AVL9: variants seen among roughly 807,000 people sequenced by gnomAD.
AVL9 encodes the protein late secretory pathway protein AVL9 homolog.
AVL9 carries 49 observed loss-of-function variants against 79.2 expected under a neutral mutation model. The observed-to-expected ratio is 0.62, with a 90% confidence interval of 0.49 to 0.79. The LOEUF (loss-of-function observed/expected upper bound fraction) is 0.79, where lower values mean the gene tolerates loss of function less well. Ranked by LOEUF, AVL9 falls within the 30% of genes least tolerant of loss-of-function variation. The probability of loss-of-function intolerance (pLI) is 0.00; values close to 1 mark genes in which losing one functional copy is unlikely to be tolerated. For missense variants in AVL9, 682 were observed against 776.8 expected, an observed-to-expected ratio of 0.88 and a Z score of 1.45; for synonymous variants, 299 against 280.6, an observed-to-expected ratio of 1.07 and a Z score of -0.65.
At chr7:32,519,490 C>G (rs1266134038) in intron 1 of AVL9, among the ~76,000 whole-genome samples, 7 of 151,798 alleles carry the variant, frequency 4.6e-5, no homozygotes, top group African/African-American at 1.5e-4. Context: ...GTTCAGATGC[C>G]TTTTAATTCA....
rs896935549 is a variant in AVL9, at chr7:32,556,574, GT to G, written c.610-1975del. Among the ~76,000 whole-genome samples, 8 of 148,728 alleles carry G rather than the reference GT, an allele frequency of 5.4e-5. No homozygotes were observed. The South Asian group carries it at 6.4e-4, about 12-fold the overall frequency. On this transcript the variant is annotated intron_variant, in intron 8 of 15. Transcript: ENST00000318709. ...TCCTTCAAACAGAAAAAAAGATAAAGTTTTTTTTTTAAAAATGAACCCAGCA... is the reference window on the plus strand; with the variant it reads ...TCCTTCAAACAGAAAAAAAGATAAAGTTTTTTTTTAAAAATGAACCCAGCA...
chr7:32,548,795 TTGAAATATTGCTA>T, intron 3 of AVL9, 39 bp from the exon 4 acceptor site: 1 of 1,249,656 alleles, frequency 8.0e-7, no homozygotes, highest in African/African-American at 1.6e-5. Flanking sequence ...AAAAATATTT[TTGAAATATTGCTA>T]TGAAATATTT....
At chr7:32,497,261 A>G (rs1191246892) in intron 1 of AVL9, among the ~76,000 whole-genome samples, 1 of 152,162 alleles carries the variant, frequency 6.6e-6, no homozygotes. Context: ...AGGCTGAGGC[A>G]CGAGAATTGC....
chr7:32,498,237 ATTTTTTTTTTT>A (rs10547851), intron 1 of AVL9, among the ~76,000 whole-genome samples: 1 of 89,814 alleles, frequency 1.1e-5, no homozygotes, highest in Non-Finnish European at 2.0e-5. Context: ...AAGTCCTCAG[ATTTTTTTTTTT>A]TTTTTTTTTT....
chr7:32,583,850 C>G lies in AVL9; in HGVS notation c.1890C>G (p.Ser630=). The change falls in exon 16 of 16, where the codon TCC becomes TCG. Residue 630 remains serine, a synonymous_variant. Transcript: ENST00000318709. ...SAKTAMSSWL[S]TFTTSTSQSL... The stretch of plus-strand genomic sequence containing the variant: ...AGACAGCTATGTCTTCATGGCTTTC[C>G]ACTTTCACCACTTCCACCTCCCAAA... 6.2e-7 allele frequency: 1 copy of G among 1,614,100 alleles called. No individual in the cohort carries two copies. The highest frequency in any genetic ancestry group is 8.5e-7 in the Non-Finnish European group (1 of 1,180,020).
At chr7:32,511,706 G>GGGGC (rs1787682321) in intron 1 of AVL9, among the ~76,000 whole-genome samples, 2 of 152,056 alleles carry the variant, frequency 1.3e-5, no homozygotes, top group East Asian at 3.9e-4. Flanking sequence ...GTCAGCTGGG[G>GGGGC]GAAACAGGTA....
At chr7:32,512,557 A>G (rs539915270) in intron 1 of AVL9, among the ~76,000 whole-genome samples, 1 of 152,300 alleles carries the variant, frequency 6.6e-6, no homozygotes, top group African/African-American at 2.4e-5. Flanking sequence ...GTGTCTCTGG[A>G]CAGGATCTTG....
chr7:32,567,306 T>A (rs558342999), intron 10 of AVL9, among the ~76,000 whole-genome samples: 1 of 152,182 alleles, frequency 6.6e-6, no homozygotes, highest in Non-Finnish European at 1.5e-5. Context: ...TTCACCGTGT[T>A]GCTCAGGCTG....
At chr7:32,550,591 A>G (rs1789767420) in intron 4 of AVL9, among the ~76,000 whole-genome samples, 1 of 152,228 alleles carries the variant, frequency 6.6e-6, no homozygotes, top group Admixed American at 6.5e-5. Context: ...TAGAGTATAT[A>G]TACATCATTG....
At position 32,586,962 on chromosome 7, in the gene AVL9, C is replaced by T. The variant is rs1249209091; in HGVS notation, c.*3055C>T. On this transcript the variant is annotated 3_prime_UTR_variant, in exon 16 of 16. Transcript: ENST00000318709. Reference sequence around the variant, plus strand: ...CTCACATAACCAGCATGAACAGTCTCTCCCCAAATCCATTAGTGATTCACT... The same window carrying T: ...CTCACATAACCAGCATGAACAGTCTTTCCCCAAATCCATTAGTGATTCACT... 1 of 152,248 alleles carries T rather than the reference C, an allele frequency of 6.6e-6. No homozygotes were observed. The highest frequency in any genetic ancestry group is 1.5e-5 in the Non-Finnish European group (1 of 68,084). The allele number at this position is 152,248 out of a possible 1,614,324, so 9.4% of individuals were successfully genotyped here.
chr7:32,535,462 G>A, intron 1 of AVL9: 1 of 152,214 alleles, frequency 6.6e-6, no homozygotes. Flanking sequence ...TAAAAGGAAA[G>A]TAACTTTGAA....
rs1789979318 is a variant in AVL9, at chr7:32,554,588, G to C, written c.601G>C (p.Glu201Gln). The change falls in exon 8 of 16, where the codon GAA becomes CAA. Residue 201 changes from glutamate (E) to glutamine (Q), a missense_variant. Glu to Gln is a conservative substitution (Grantham distance 29). Coordinates refer to ENST00000318709, the MANE Select transcript of AVL9 (RefSeq NM_015060.3). The stretch of plus-strand genomic sequence containing the variant: ...AATCCTATTTAAGCTAATTCTTCTT[G>C]AAAAAAAGGTACGATCCTAAGGGAT... The part of the protein sequence containing the change: ...VLILFKLILL[E>Q]KKVLFYISPV... 6.7e-7 allele frequency: 1 copy of C among 1,500,102 alleles called. No individual in the cohort carries two copies. The highest frequency in any genetic ancestry group is 1.4e-5 in the African/African-American group (1 of 70,398). 92.9% of individuals were successfully genotyped at this position (1,500,102 alleles called of 1,614,324 possible). A position where few individuals can be genotyped will look rare whatever the true frequency, so the allele number is the denominator to read the frequency against.
At chr7:32,528,327 C>G (rs1210370140) in intron 1 of AVL9, among the ~76,000 whole-genome samples, 1 of 152,194 alleles carries the variant, frequency 6.6e-6, no homozygotes, top group East Asian at 1.9e-4. Context: ...GGGCATGTGT[C>G]CTCAGGACCT....
At chr7:32,577,330 T>A (rs1457764501) in intron 13 of AVL9, among the ~76,000 whole-genome samples, 2 of 152,168 alleles carry the variant, frequency 1.3e-5, no homozygotes, top group Non-Finnish European at 2.9e-5. Context: ...AACACCAATT[T>A]TGGTGAATTT....
At chr7:32,530,656 G>A (rs1275896779) in intron 1 of AVL9, among the ~76,000 whole-genome samples, 2 of 152,310 alleles carry the variant, frequency 1.3e-5, no homozygotes, top group African/African-American at 4.8e-5. Flanking sequence ...GTTTAAAAGA[G>A]AATTTATTTG....
chr7:32,499,218 A>G (rs149858282), intron 1 of AVL9, among the ~76,000 whole-genome samples: 76 of 152,184 alleles, frequency 5.0e-4, no homozygotes, highest in African/African-American at 1.8e-3. Context: ...GAAATAATTT[A>G]TGGATACCTT....
chr7:32,558,822 T>G, intron 9 of AVL9, 107 bp from the exon 10 acceptor site: 1 of 1,145,148 alleles, frequency 8.7e-7, no homozygotes, highest in East Asian at 2.5e-5. Context: ...TTAAAATGTG[T>G]ACAAGCATAG....
At chr7:32,500,455 T>G (rs1310347668) in intron 1 of AVL9, among the ~76,000 whole-genome samples, 2 of 152,326 alleles carry the variant, frequency 1.3e-5, no homozygotes, top group East Asian at 3.9e-4. Flanking sequence ...ATAAATTTGT[T>G]TAAGTTCCTT....
At chr7:32,530,391 A>T (rs1788596491) in intron 1 of AVL9, among the ~76,000 whole-genome samples, 1 of 152,366 alleles carries the variant, frequency 6.6e-6, no homozygotes, top group Non-Finnish European at 1.5e-5. Flanking sequence ...TGTCAGAAAC[A>T]TAAATCAAAT....
Sources: allele counts gnomAD v4.1 joint callset (sites outside exome capture counted in the v4.1 genomes callset), GRCh38; gene constraint gnomAD v4.1.1; transcripts MANE v1.5; gene names NCBI Gene and HGNC (gene_info 2026-07-23, HGNC 2026-07-21).